The following RGPD2 variants were observed in gnomAD, a reference collection of about 807,000 sequenced individuals.
RGPD2 encodes the protein RANBP2 like and GRIP domain containing 2.
A neutral mutation model predicts 36.0 loss-of-function variants in RGPD2; 2 were observed. That is an observed-to-expected ratio of 0.06 (90% CI 0.02 to 0.17). RGPD2 has a LOEUF of 0.17. Among genes scored for constraint, RGPD2 ranks in the 10% least tolerant of loss-of-function variants. The pLI, the probability that RGPD2 is intolerant of heterozygous loss-of-function variation, is 1.00. For missense variants in RGPD2, 40 were observed against 464.3 expected (o/e 0.09, Z 8.40); for synonymous variants, 19 against 163.8 (o/e 0.12, Z 6.75).
At chr2:87,920,860 A>C in the RGPD2 span, among the ~76,000 whole-genome samples, 5 of 101,552 alleles carry the variant, frequency 4.9e-5, 1 homozygote, top group African/African-American at 2.1e-4. Context: ...ACCTTCAACT[A>C]AGTCACTTAA....
chr2:87,961,294 C>T, the RGPD2 span, among the ~76,000 whole-genome samples: 8 of 152,276 alleles, frequency 5.3e-5, no homozygotes, highest in South Asian at 6.2e-4. Flanking sequence ...CTGACGTAGC[C>T]GGCGGAGGAC....
chr2:87,876,232 C>A, the RGPD2 span, among the ~76,000 whole-genome samples: 5 of 136,708 alleles, frequency 3.7e-5, 1 homozygote, highest in African/African-American at 5.6e-5. Context: ...CAGTTCAGCT[C>A]TGATCTTGGT....
intron 21 of RGPD2, among the ~76,000 whole-genome samples, chr2:87,772,895 T>C (rs1264210683): frequency 4.1e-5 from 6 of 147,476 alleles, no homozygotes; most frequent in African/African-American, 7.5e-5. Flanking sequence ...CAGGGTATCA[T>C]GGAAATGGAG....
the RGPD2 span, among the ~76,000 whole-genome samples, chr2:87,956,739 A>C: frequency 2.9e-5 from 2 of 69,576 alleles, no homozygotes; most frequent in African/African-American, 9.2e-5. Context: ...CTGTTGCTAA[A>C]TTCTGGGTGA....
chr2:87,957,574 A>G, the RGPD2 span, among the ~76,000 whole-genome samples: 6 of 152,064 alleles, frequency 3.9e-5, no homozygotes, highest in Admixed American at 1.3e-4. Flanking sequence ...GACCTCTTTT[A>G]TAAAGTCATT....
chr2:87,781,840 C>T (rs1340692102), intron 20 of RGPD2, among the ~76,000 whole-genome samples: 8 of 125,676 alleles, frequency 6.4e-5, no homozygotes, highest in Admixed American at 5.4e-4. Context: ...CACGTTAATG[C>T]GCATGATTCA....
chr2:87,947,484 T>C, the RGPD2 span, among the ~76,000 whole-genome samples: 1 of 152,348 alleles, frequency 6.6e-6, no homozygotes, highest in Non-Finnish European at 1.5e-5. Flanking sequence ...ATATTGAAGA[T>C]ATATGCTTAA....
At chr2:87,876,358 G>C in the RGPD2 span, among the ~76,000 whole-genome samples, 1 of 151,868 alleles carries the variant, frequency 6.6e-6, no homozygotes, top group African/African-American at 2.4e-5. Context: ...TTTTGCTGTG[G>C]GCATTTAGCA....
the RGPD2 span, among the ~76,000 whole-genome samples, chr2:87,863,716 A>G: frequency 6.6e-5 from 10 of 151,926 alleles, no homozygotes; most frequent in South Asian, 2.1e-4. Context: ...GTGTGTGTAT[A>G]TATATATATA....
chr2:87,882,845 A>G, the RGPD2 span, among the ~76,000 whole-genome samples: 1 of 152,096 alleles, frequency 6.6e-6, no homozygotes, highest in East Asian at 1.9e-4. Flanking sequence ...TTTTTATTGT[A>G]TTATAAATAA....
the RGPD2 span, among the ~76,000 whole-genome samples, chr2:87,978,151 AT>A: frequency 6.6e-6 from 1 of 151,016 alleles, no homozygotes; most frequent in Non-Finnish European, 1.5e-5. Context: ...AAACTGATAC[AT>A]TGGATAACTA....
At chr2:87,961,617 G>A in the RGPD2 span, among the ~76,000 whole-genome samples, 6 of 144,782 alleles carry the variant, frequency 4.1e-5, no homozygotes, top group East Asian at 8.2e-4. Context: ...CACGAGAATC[G>A]CTTGAAACTG....
chr2:87,922,292 C>CAAAAAAAAAAA, the RGPD2 span, among the ~76,000 whole-genome samples: 1 of 84,694 alleles, frequency 1.2e-5, no homozygotes. Flanking sequence ...GACTTCGTCT[C>CAAAAAAAAAAA]AAAAAAAAAA....
At chr2:87,852,105 C>A in the RGPD2 span, among the ~76,000 whole-genome samples, 1 of 6,466 alleles carries the variant, frequency 1.5e-4, no homozygotes, top group Non-Finnish European at 3.5e-4. Context: ...CCTATTGACT[C>A]TAGAATTTGA....
chr2:87,944,632 A>G, the RGPD2 span, among the ~76,000 whole-genome samples: 3 of 125,390 alleles, frequency 2.4e-5, no homozygotes, highest in African/African-American at 3.8e-5. Context: ...GAAAATTCAG[A>G]TGGCATTTTT....
the RGPD2 span, among the ~76,000 whole-genome samples, chr2:87,938,224 C>G: frequency 6.6e-6 from 1 of 151,572 alleles, no homozygotes; most frequent in Non-Finnish European, 1.5e-5. Context: ...GATCTTGTGA[C>G]AATTAGTAAA....
chr2:87,893,210 T>C, the RGPD2 span, among the ~76,000 whole-genome samples: 2 of 151,542 alleles, frequency 1.3e-5, no homozygotes, highest in Admixed American at 1.3e-4. Context: ...CAACTCTTTG[T>C]CATATCCCAG....
the RGPD2 span, among the ~76,000 whole-genome samples, chr2:87,857,600 C>T: frequency 6.6e-6 from 1 of 151,762 alleles, no homozygotes; most frequent in Non-Finnish European, 1.5e-5. Flanking sequence ...CCTCGGCCTC[C>T]CAAAGTGAGC....
At chr2:87,842,726 G>A in the RGPD2 span, among the ~76,000 whole-genome samples, 1 of 151,808 alleles carries the variant, frequency 6.6e-6, no homozygotes, top group African/African-American at 2.4e-5. Context: ...AGTTCATATG[G>A]AACCAAAAAA....
Sources: allele counts gnomAD v4.1 joint callset (sites outside exome capture counted in the v4.1 genomes callset), GRCh38; gene constraint gnomAD v4.1.1; transcripts MANE v1.5; gene names NCBI Gene and HGNC (gene_info 2026-07-23, HGNC 2026-07-21).